Variants in KCNN2 observed in about 807,000 individuals in gnomAD.
The protein encoded by KCNN2 is small conductance calcium-activated potassium channel protein 2.
A neutral mutation model predicts 55.5 loss-of-function variants in KCNN2; 24 were observed. The observed-to-expected ratio is 0.43, with a 90% CI of 0.31 to 0.61. KCNN2 has a LOEUF of 0.61. Among genes scored for constraint, KCNN2 ranks in the 20% least tolerant of loss-of-function variants. KCNN2 has a pLI of 0.08. For synonymous variants in KCNN2, 431 were observed against 336.1 expected (o/e 1.28, Z -3.09); for missense variants, 754 against 853.6 (o/e 0.88, Z 1.45).
chr5:114,495,743 T>G, intron 7 of KCNN2, 152 bp from the exon 8 acceptor site: 6 of 689,454 alleles, frequency 8.7e-6, no homozygotes, highest in Non-Finnish European at 1.5e-5. Flanking sequence ...ACACATACAA[T>G]GAGTTGGCTT....
At chr5:114,392,385 C>A (rs1007316681) in intron 2 of KCNN2, among the ~76,000 whole-genome samples, 10 of 152,034 alleles carry the variant, frequency 6.6e-5, no homozygotes, top group African/African-American at 2.4e-4. Context: ...ATACTTTTCT[C>A]CTAGAGAGGA....
chr5:114,180,779 C>A (rs984735996), intron 1 of KCNN2, among the ~76,000 whole-genome samples: 1 of 152,140 alleles, frequency 6.6e-6, no homozygotes, highest in Admixed American at 6.5e-5. Context: ...CCCTCAGCCC[C>A]CTTCCTAGTC....
intron 2 of KCNN2, among the ~76,000 whole-genome samples, chr5:114,344,699 T>C (rs916438576): frequency 6.6e-6 from 1 of 152,178 alleles, no homozygotes. Context: ...AAAACACTCC[T>C]ATCACTTGGG....
intron 2 of KCNN2, among the ~76,000 whole-genome samples, chr5:114,385,158 C>T (rs930432048): frequency 7.9e-5 from 12 of 151,946 alleles, no homozygotes; most frequent in African/African-American, 2.9e-4. Context: ...ACCAATTTCT[C>T]TCTTTGCTGC....
At chr5:114,309,930 G>T (rs1387465050) in intron 2 of KCNN2, among the ~76,000 whole-genome samples, 1 of 152,154 alleles carries the variant, frequency 6.6e-6, no homozygotes, top group Non-Finnish European at 1.5e-5. Flanking sequence ...GGCAACAGGT[G>T]GAGAGAACAA....
rs1271917409 is a variant in KCNN2, at chr5:114,324,230, T to C, written c.-184-36715T>C. ...AATAGTATTGTGGTAAGCAGAATAATGGGCTCCCCCTTGTCCTAATCACGA... is the reference window on the plus strand; with the variant it reads ...AATAGTATTGTGGTAAGCAGAATAACGGGCTCCCCCTTGTCCTAATCACGA... On this transcript the variant is annotated intron_variant, in intron 2 of 10. Transcript: ENST00000512097. Among the ~76,000 whole-genome samples, 3 of 152,226 alleles carry C rather than the reference T, an allele frequency of 2.0e-5. No homozygotes were observed. The East Asian group carries it at 5.8e-4, about 29-fold the overall frequency.
chr5:114,056,726 G>C (rs114114668), intron 1 of KCNN2, among the ~76,000 whole-genome samples: 167 of 152,242 alleles, frequency 1.1e-3, no homozygotes, highest in Non-Finnish European at 1.9e-3. Context: ...TAGAGGCCAT[G>C]TCACAGCGCG....
chr5:114,209,702 C>T (rs1242535805), intron 1 of KCNN2, among the ~76,000 whole-genome samples: 1 of 152,074 alleles, frequency 6.6e-6, no homozygotes. Context: ...ACTTTATATC[C>T]AGGATTCCAA....
intron 1 of KCNN2, among the ~76,000 whole-genome samples, chr5:114,170,875 A>C (rs1753019269): frequency 6.6e-6 from 1 of 152,034 alleles, no homozygotes; most frequent in South Asian, 2.1e-4. Context: ...TCCCTTTTTA[A>C]GAAATCCACC....
chr5:114,449,951 T>G (rs1405895306), intron 3 of KCNN2, among the ~76,000 whole-genome samples: 2 of 150,354 alleles, frequency 1.3e-5, no homozygotes, highest in Non-Finnish European at 2.9e-5. Flanking sequence ...AGAAGAGCCC[T>G]TAACCCAGAA....
intron 1 of KCNN2, among the ~76,000 whole-genome samples, chr5:114,165,553 A>G (rs1188406162): frequency 1.3e-5 from 2 of 152,136 alleles, no homozygotes; most frequent in African/African-American, 2.4e-5. Context: ...GATTAGGTTG[A>G]TTGTGACTTC....
intron 3 of KCNN2, among the ~76,000 whole-genome samples, chr5:114,426,076 G>C (rs1759615522): frequency 6.6e-6 from 1 of 151,972 alleles, no homozygotes; most frequent in Admixed American, 6.6e-5. Context: ...CAGCTACTTG[G>C]GGAGCTGAGG....
intron 3 of KCNN2, among the ~76,000 whole-genome samples, chr5:114,424,686 A>G (rs1236841139): frequency 6.6e-6 from 1 of 152,218 alleles, no homozygotes; most frequent in Non-Finnish European, 1.5e-5. Flanking sequence ...GCTAGTGGGG[A>G]GGGGTCTCCA....
At chr5:114,293,343 C>T (rs1486149234) in intron 2 of KCNN2, among the ~76,000 whole-genome samples, 1 of 151,980 alleles carries the variant, frequency 6.6e-6, no homozygotes, top group Non-Finnish European at 1.5e-5. Context: ...ATAGATAGCT[C>T]TTATTATTTT....
chr5:114,074,638 G>A (rs1434893455), intron 1 of KCNN2, among the ~76,000 whole-genome samples: 2 of 152,200 alleles, frequency 1.3e-5, no homozygotes, highest in African/African-American at 4.8e-5. Flanking sequence ...CCTGTGTGGT[G>A]AAGCAAGCTT....
intron 1 of KCNN2, among the ~76,000 whole-genome samples, chr5:114,078,357 G>A (rs1453303363): frequency 6.6e-6 from 1 of 152,130 alleles, no homozygotes; most frequent in Non-Finnish European, 1.5e-5. Context: ...ACATAAACTA[G>A]GGAGCTTTGT....
At chr5:114,268,893 A>G (rs1341528204) in intron 2 of KCNN2, among the ~76,000 whole-genome samples, 3 of 151,874 alleles carry the variant, frequency 2.0e-5, no homozygotes, top group African/African-American at 7.3e-5. Context: ...GAACAAAACA[A>G]GAGAGACAAG....
At chr5:114,204,814 G>T (rs1399601013) in intron 1 of KCNN2, among the ~76,000 whole-genome samples, 2 of 152,140 alleles carry the variant, frequency 1.3e-5, no homozygotes, top group Admixed American at 6.5e-5. Context: ...AATATACTTT[G>T]TTTTGTTAAT....
chr5:114,098,282 G>A (rs1410042928), intron 1 of KCNN2, among the ~76,000 whole-genome samples: 3 of 152,016 alleles, frequency 2.0e-5, no homozygotes, highest in African/African-American at 7.2e-5. Flanking sequence ...AACATTCACA[G>A]CTTCTGAGAA....
Sources: gnomAD v4.1 joint callset for allele counts (sites outside exome capture counted in the v4.1 genomes callset) on GRCh38, gnomAD v4.1.1 for gene constraint, MANE v1.5 for transcripts, NCBI Gene and HGNC (gene_info 2026-07-23, HGNC 2026-07-21) for gene names.